LOXL2: variants seen among roughly 807,000 people sequenced by gnomAD.
The protein encoded by LOXL2 is lysyl oxidase like 2.
In LOXL2, 70 loss-of-function variants were observed where a neutral mutation model predicts 93.0. The observed-to-expected ratio is 0.75, with a 90% CI of 0.62 to 0.92. The LOEUF is 0.92. LOXL2 is among the 40% of genes least tolerant of loss of function. The pLI, the probability that LOXL2 is intolerant of heterozygous loss-of-function variation, is 0.00. For synonymous variants in LOXL2, 438 were observed against 413.2 expected, an observed-to-expected ratio of 1.06 and a Z score of -0.73; for missense variants, 973 against 1,054.9, an observed-to-expected ratio of 0.92 and a Z score of 1.08.
At chr8:23,344,783 C>T (rs888626157) in intron 3 of LOXL2, among the ~76,000 whole-genome samples, 2 of 152,144 alleles carry the variant, frequency 1.3e-5, no homozygotes, top group African/African-American at 4.8e-5. Context: ...CTTGCAAGGC[C>T]TTAGGAAAAC....
At chr8:23,355,718 T>G (rs991463398) in intron 3 of LOXL2, among the ~76,000 whole-genome samples, 3 of 151,376 alleles carry the variant, frequency 2.0e-5, no homozygotes, top group Non-Finnish European at 2.9e-5. Flanking sequence ...CAATCAATCC[T>G]TCCACCTCAG....
At chr8:23,332,399 C>T (rs1252781661) in intron 5 of LOXL2, among the ~76,000 whole-genome samples, 1 of 133,184 alleles carries the variant, frequency 7.5e-6, no homozygotes, top group Admixed American at 7.5e-5. Context: ...TACACACACA[C>T]TCATACACAC....
chr8:23,384,030 T>C (rs796239360), intron 1 of LOXL2, among the ~76,000 whole-genome samples: 3 of 152,218 alleles, frequency 2.0e-5, no homozygotes, highest in Admixed American at 1.3e-4. Context: ...GGATTTTTCA[T>C]GAGTAGTTGG....
chr8:23,368,870 C>T (rs1043277972), intron 1 of LOXL2, among the ~76,000 whole-genome samples: 6 of 138,856 alleles, frequency 4.3e-5, no homozygotes, highest in African/African-American at 1.2e-4. Context: ...AGCTGTGGCC[C>T]TCACTGGAGG....
rs559133450 is a variant in LOXL2, at chr8:23,317,900, G to A, written c.1471-786C>T. On this transcript the variant is annotated intron_variant, in intron 8 of 13. Coordinates refer to ENST00000389131, the MANE Select transcript of LOXL2 (RefSeq NM_002318.3). ...AGGCTGAGGCAGGATTAGAGCTCAG[G>A]GAGGTCTTCTCGGGATCGTCAGAGA... is the stretch of plus-strand genomic sequence containing the variant. Among the ~76,000 whole-genome samples the A allele has an allele frequency of 2.7e-3, 222 of 81,646 alleles. 4 individuals are homozygous for A. The highest frequency in any genetic ancestry group is 0.024 in the Admixed American group (209 of 8,814). The allele number at this position is 81,646 out of a possible 152,430, so 53.6% of individuals were successfully genotyped here.
intron 2 of LOXL2, among the ~76,000 whole-genome samples, chr8:23,360,894 GTTTTT>G (rs532235380): frequency 6.6e-6 from 1 of 151,458 alleles, no homozygotes; most frequent in Admixed American, 6.6e-5. Flanking sequence ...GGTTTGTGGG[GTTTTT>G]TTTGTTTTTT....
At chr8:23,337,123 C>A (rs994031159) in intron 4 of LOXL2, 2 of 152,194 alleles carry the variant, frequency 1.3e-5, no homozygotes, top group African/African-American at 4.8e-5. Context: ...TATTTCACTT[C>A]GAGGAACATC....
intron 1 of LOXL2, among the ~76,000 whole-genome samples, chr8:23,397,778 C>CAA (rs57059999): frequency 1.4e-4 from 13 of 90,756 alleles, no homozygotes; most frequent in Non-Finnish European, 2.0e-4. Flanking sequence ...GACTCTGTCT[C>CAA]AAAAAAAAAA....
rs1374008547 is a variant in LOXL2, at chr8:23,381,126, A to C, written c.-83-12692T>G. 2.6e-5 allele frequency among the ~76,000 whole-genome samples: 4 copies of C among 151,104 alleles called. No individual in the cohort carries two copies. The East Asian group carries it at 7.7e-4, about 29-fold the overall frequency. On this transcript the variant is annotated intron_variant, in intron 1 of 13. Coordinates refer to ENST00000389131, the MANE Select transcript of LOXL2 (RefSeq NM_002318.3). The stretch of plus-strand genomic sequence containing the variant: ...TTTTTTTGTACACATTTCCTTTTAA[A>C]AATTGGAATCATTTTCTACGTATTG...
intron 6 of LOXL2, 47 bp downstream of exon 6, chr8:23,328,335 C>G: frequency 6.3e-7 from 1 of 1,596,448 alleles, no homozygotes; most frequent in Non-Finnish European, 8.6e-7. Flanking sequence ...GCTCACGGCA[C>G]CATGCTCCCA....
chr8:23,404,058 C>T lies in LOXL2; in HGVS notation c.-188G>A. ...CCCCTTTCTCGAGCAGAGGGGGCGGCTCTGGTCTCCGATGGCTGGAGAAAG... is the reference window on the plus strand; with the variant it reads ...CCCCTTTCTCGAGCAGAGGGGGCGGTTCTGGTCTCCGATGGCTGGAGAAAG... On this transcript the variant is annotated 5_prime_UTR_variant, in exon 1 of 14. Transcript: ENST00000389131. 4.8e-6 allele frequency: 1 copy of T among 209,316 alleles called. No homozygotes were observed. The highest frequency in any genetic ancestry group is 1.0e-5 in the Non-Finnish European group (1 of 98,860). 13.0% of individuals were successfully genotyped at this position (209,316 alleles called of 1,614,324 possible). A position where few individuals can be genotyped will look rare whatever the true frequency, so the allele number is the denominator to read the frequency against.
intron 3 of LOXL2, among the ~76,000 whole-genome samples, chr8:23,346,518 C>A (rs1178116915): frequency 6.6e-6 from 1 of 152,234 alleles, no homozygotes; most frequent in Admixed American, 6.5e-5. Context: ...GAGCTCTGAG[C>A]TCTGACTCTC....
At chr8:23,397,960 CAAAA>C (rs11295140) in intron 1 of LOXL2, among the ~76,000 whole-genome samples, 2 of 91,004 alleles carry the variant, frequency 2.2e-5, no homozygotes, top group African/African-American at 4.1e-5. Context: ...GACTCTGTCT[CAAAA>C]AAAAAAAAAA....
At chr8:23,332,520 AC>A (rs531340436) in intron 5 of LOXL2, among the ~76,000 whole-genome samples, 1 of 61,140 alleles carries the variant, frequency 1.6e-5, no homozygotes, top group Non-Finnish European at 3.0e-5. Flanking sequence ...ACACATCCCT[AC>A]ACACACCCCC....
At chr8:23,357,578 T>C (rs10095036) in intron 3 of LOXL2, among the ~76,000 whole-genome samples, 25,591 of 151,948 alleles carry the variant, frequency 0.17, 3,235 homozygotes, top group African/African-American at 0.36. Flanking sequence ...ATTTTTTTTT[T>C]CCTAATGGCA....
chr8:23,304,729 T>C (rs533990612), intron 10 of LOXL2, among the ~76,000 whole-genome samples: 8 of 152,340 alleles, frequency 5.3e-5, no homozygotes, highest in African/African-American at 1.7e-4. Context: ...ACTCCCATCA[T>C]AGCAGTCACG....
chr8:23,318,248 C>A (rs1355228474), intron 8 of LOXL2, among the ~76,000 whole-genome samples: 5 of 151,950 alleles, frequency 3.3e-5, no homozygotes, highest in Admixed American at 6.6e-5. Flanking sequence ...TGACTTCAGA[C>A]TCTAGCTGCA....
At chr8:23,388,770 G>T (rs73549882) in intron 1 of LOXL2, among the ~76,000 whole-genome samples, 1 of 152,020 alleles carries the variant, frequency 6.6e-6, no homozygotes, top group East Asian at 1.9e-4. Context: ...CATTAGGTAT[G>T]TGCAAAATTG....
At chr8:23,309,113 T>C (rs1330181778) in intron 10 of LOXL2, among the ~76,000 whole-genome samples, 1 of 151,848 alleles carries the variant, frequency 6.6e-6, no homozygotes, top group Non-Finnish European at 1.5e-5. Context: ...GCCTCCCAAG[T>C]AGCTGAGGCT....
Sources: allele counts gnomAD v4.1 joint callset (sites outside exome capture counted in the v4.1 genomes callset), GRCh38; gene constraint gnomAD v4.1.1; transcripts MANE v1.5; gene names NCBI Gene and HGNC (gene_info 2026-07-23, HGNC 2026-07-21).